DGKG: variants seen among roughly 807,000 people sequenced by gnomAD.
The protein encoded by DGKG is DAG kinase gamma.
DGKG carries 78 observed loss-of-function variants against 105.3 expected under a neutral mutation model. The observed-to-expected ratio is 0.74, with a 90% CI of 0.62 to 0.89. The LOEUF (loss-of-function observed/expected upper bound fraction) is 0.89. Among genes scored for constraint, DGKG ranks in the 40% least tolerant of loss-of-function variants. The probability of loss-of-function intolerance (pLI) is 0.00; values close to 1 mark genes in which losing one functional copy is unlikely to be tolerated. For synonymous variants in DGKG, 346 were observed against 367.1 expected (o/e 0.94, Z 0.66); for missense variants, 958 against 1,020.1 (o/e 0.94, Z 0.83).
At chr3:186,160,699 CTT>C in intron 24 of DGKG, 1 of 985,414 alleles carries the variant, frequency 1.0e-6, no homozygotes, top group Non-Finnish European at 1.2e-6. Context: ...CCACTTTTGT[CTT>C]TTGAAATTTG....
intron 11 of DGKG, among the ~76,000 whole-genome samples, chr3:186,271,280 T>C (rs1722306257): frequency 6.6e-6 from 1 of 152,182 alleles, no homozygotes; most frequent in Non-Finnish European, 1.5e-5. Flanking sequence ...CCCTACCTTT[T>C]CCCTTCTCTC....
intron 22 of DGKG, among the ~76,000 whole-genome samples, chr3:186,171,368 A>G (rs552323989): frequency 6.6e-6 from 1 of 152,346 alleles, no homozygotes; most frequent in African/African-American, 2.4e-5. Context: ...CAATAATAAT[A>G]ATAATAACTA....
chr3:186,302,737 T>A (rs1208728962), intron 3 of DGKG, among the ~76,000 whole-genome samples: 2 of 151,650 alleles, frequency 1.3e-5, no homozygotes, highest in East Asian at 3.9e-4. Context: ...AAAGAGTCAG[T>A]GTTATATAAG....
At chr3:186,238,237 A>C (rs1167359073) in intron 20 of DGKG, among the ~76,000 whole-genome samples, 1 of 143,106 alleles carries the variant, frequency 7.0e-6, no homozygotes, top group Non-Finnish European at 1.5e-5. Context: ...CAAAGGTTGC[A>C]GTGAGCCAAG....
chr3:186,147,645 A>G lies in DGKG; in HGVS notation c.*2445T>C, dbSNP rs1165623825. 1.2e-5 allele frequency: 12 copies of G among 985,356 alleles called. No individual in the cohort carries two copies. Among genetic ancestry groups the G allele is most frequent in the Non-Finnish European group, 1.4e-5 (12 of 829,946 alleles). The allele number at this position is 985,356 out of a possible 1,614,324, so 61.0% of individuals were successfully genotyped here. Reference sequence around the variant, plus strand: ...CCTGTGCACTAGGGTGCAGCAGGTAAGGGCCATTTTCTGCACTGCCCCTTC... The same window carrying G: ...CCTGTGCACTAGGGTGCAGCAGGTAGGGGCCATTTTCTGCACTGCCCCTTC... On this transcript the variant is annotated 3_prime_UTR_variant, in exon 25 of 25. Transcript: ENST00000265022.
intron 3 of DGKG, among the ~76,000 whole-genome samples, chr3:186,299,304 T>A (rs1246799303): frequency 6.6e-6 from 1 of 152,212 alleles, no homozygotes; most frequent in East Asian, 1.9e-4. Flanking sequence ...TTTAACCCCT[T>A]GTCTGTTCTG....
At chr3:186,355,970 A>T (rs1726935769) in intron 1 of DGKG, among the ~76,000 whole-genome samples, 1 of 152,222 alleles carries the variant, frequency 6.6e-6, no homozygotes, top group Non-Finnish European at 1.5e-5. Context: ...ATGTCAGACC[A>T]ACAAAATTGC....
At chr3:186,260,055 AATG>A (rs1721686704) in intron 16 of DGKG, among the ~76,000 whole-genome samples, 1 of 148,048 alleles carries the variant, frequency 6.8e-6, no homozygotes, top group South Asian at 2.1e-4. Flanking sequence ...GCTGACTGAC[AATG>A]ATAAGAAAAC....
chr3:186,332,590 G>A (rs1725653100), intron 1 of DGKG, among the ~76,000 whole-genome samples: 1 of 152,154 alleles, frequency 6.6e-6, no homozygotes, highest in Admixed American at 6.6e-5. Context: ...TTAGAGACCA[G>A]AATTCAGATC....
intron 3 of DGKG, among the ~76,000 whole-genome samples, chr3:186,303,615 C>T (rs1047713192): frequency 1.3e-4 from 20 of 152,162 alleles, no homozygotes; most frequent in African/African-American, 1.7e-4. Flanking sequence ...GATCATAAAG[C>T]GTGTGGCAGA....
At chr3:186,256,129 C>T (rs1721456851) in intron 17 of DGKG, among the ~76,000 whole-genome samples, 1 of 152,160 alleles carries the variant, frequency 6.6e-6, no homozygotes, top group Non-Finnish European at 1.5e-5. Flanking sequence ...TCCTTGGCTC[C>T]CGGAGGACTC....
At chr3:186,358,725 G>T (rs1727095958) in intron 1 of DGKG, among the ~76,000 whole-genome samples, 1 of 151,858 alleles carries the variant, frequency 6.6e-6, no homozygotes, top group Admixed American at 6.6e-5. Context: ...CTATGGTTGG[G>T]TGTGGAATTC....
chr3:186,187,072 G>A (rs1717674577), intron 22 of DGKG, among the ~76,000 whole-genome samples: 1 of 152,230 alleles, frequency 6.6e-6, no homozygotes, highest in African/African-American at 2.4e-5. Flanking sequence ...GGGAGGTAAT[G>A]AGAGGCCAAA....
chr3:186,341,632 G>A (rs1240502889), intron 1 of DGKG, among the ~76,000 whole-genome samples: 2 of 152,200 alleles, frequency 1.3e-5, no homozygotes, highest in Non-Finnish European at 2.9e-5. Context: ...CTAGAGAAGT[G>A]TCTGTTCATG....
intron 3 of DGKG, 88 bp downstream of exon 3, chr3:186,306,813 G>A: frequency 2.3e-6 from 2 of 857,790 alleles, no homozygotes; most frequent in South Asian, 1.5e-5. Context: ...GTTCTTCAAG[G>A]CAAGCGGAGT....
chr3:186,288,865 T>A lies in DGKG; in HGVS notation c.389A>T (p.Glu130Val). 1 of 1,579,498 alleles carries A rather than the reference T, an allele frequency of 6.3e-7. No homozygotes were observed. The change falls in exon 6 of 25, where the codon GAG becomes GTG. Residue 130 changes from glutamate (E) to valine (V), a missense_variant. Around this residue, in one of 2 missense-constraint regions of DGKG, gnomAD observed 643 missense variants for 619.5 expected, o/e 1.04. Coordinates refer to ENST00000265022, the MANE Select transcript of DGKG (RefSeq NM_001346.3). ...TTGGTCTTCAGCTGGTGCTTGCTTC[T>A]CAGCCATATTTGATTCTGCGATGAA... ...CAPDTESNMA[E>V]KQAPAEDQVA...
At chr3:186,159,965 T>G (rs2012869955) in intron 24 of DGKG, 1 of 155,888 alleles carries the variant, frequency 6.4e-6, no homozygotes, top group Non-Finnish European at 1.4e-5. Flanking sequence ...CGTTGGAAGT[T>G]AGGAAGAGAG....
intron 21 of DGKG, among the ~76,000 whole-genome samples, chr3:186,205,011 C>A (rs1718653982): frequency 6.6e-6 from 1 of 152,148 alleles, no homozygotes; most frequent in Admixed American, 6.5e-5. Context: ...AATCCCAGCA[C>A]TTTGGGAGGC....
intron 23 of DGKG, among the ~76,000 whole-genome samples, chr3:186,162,074 T>G (rs2108476979): frequency 6.6e-6 from 1 of 152,302 alleles, no homozygotes; most frequent in South Asian, 2.1e-4. Context: ...TTTTGTATTT[T>G]TAGTAGAGAC....
Sources: allele counts gnomAD v4.1 joint callset (sites outside exome capture counted in the v4.1 genomes callset), GRCh38; gene constraint gnomAD v4.1.1; regional missense constraint gnomAD v4.1.1; transcripts MANE v1.5; gene names NCBI Gene and HGNC (gene_info 2026-07-23, HGNC 2026-07-21).